The following POU2AF1 variants were observed in gnomAD, a reference collection of about 807,000 sequenced individuals.
POU2AF1 encodes POU domain class 2-associating factor 1.
POU2AF1 carries 12 observed loss-of-function variants against 26.3 expected under a neutral mutation model. The ratio of observed to expected loss-of-function variants is 0.46; its 90% CI spans 0.29 to 0.74. The LOEUF (loss-of-function observed/expected upper bound fraction) is 0.74, where lower values mean the gene tolerates loss of function less well. Ranked by LOEUF, POU2AF1 falls within the 30% of genes least tolerant of loss-of-function variation. POU2AF1 has a pLI of 0.09. For synonymous variants in POU2AF1, 175 were observed against 148.0 expected (o/e 1.18, Z -1.32); for missense variants, 297 against 334.5 (o/e 0.89, Z 0.87).
intron 1 of POU2AF1, among the ~76,000 whole-genome samples, chr11:111,373,143 C>T (rs1861244470): frequency 3.3e-5 from 5 of 152,242 alleles, no homozygotes; most frequent in Admixed American, 3.3e-4. Context: ...TTTCAGGTCT[C>T]TTCACCAGCA....
At chr11:111,359,956 G>C (rs904620680) in intron 1 of POU2AF1, 5 of 518,876 alleles carry the variant, frequency 9.6e-6, no homozygotes, top group African/African-American at 9.6e-5. Context: ...TCAGGGCATG[G>C]GACAATTACC....
chr11:111,358,993 T>G, intron 1 of POU2AF1, 75 bp from the exon 2 acceptor site: 2 of 1,534,124 alleles, frequency 1.3e-6, no homozygotes, highest in Non-Finnish European at 1.7e-6. Context: ...CATTTCCTCA[T>G]GGATCTGCCT....
At chr11:111,362,119 T>G (rs115261654) in intron 1 of POU2AF1, among the ~76,000 whole-genome samples, 1 of 152,130 alleles carries the variant, frequency 6.6e-6, no homozygotes, top group Non-Finnish European at 1.5e-5. Flanking sequence ...CCTGCCACAC[T>G]CAACTCACTC....
rs745714530 is a variant in POU2AF1 at position 111,352,597 on chromosome 11, C to T, written c.*1664G>A. ...GTTTGCGTGGAGGGGGCCTTGGTTC[C>T]ACAGAATGGTGGCTTATGGACGCTT... On this transcript the variant is annotated 3_prime_UTR_variant, in exon 5 of 5. Transcript: ENST00000393067. 1.7e-5 allele frequency: 3 copies of T among 179,694 alleles called. No individual in the cohort carries two copies. Among genetic ancestry groups the T allele is most frequent in the Non-Finnish European group, 3.6e-5 (3 of 83,942 alleles). 11.1% of individuals were successfully genotyped at this position (179,694 alleles called of 1,614,324 possible).
chr11:111,358,346 T>TCTCACA (rs1565360513), intron 2 of POU2AF1, among the ~76,000 whole-genome samples: 5 of 28,802 alleles, frequency 1.7e-4, no homozygotes, highest in African/African-American at 2.4e-4. Flanking sequence ...TCTCACACTC[T>TCTCACA]CACACTCACA....
At chr11:111,358,686 G>T in intron 2 of POU2AF1, 102 bp downstream of exon 2, 3 of 1,285,200 alleles carry the variant, frequency 2.3e-6, no homozygotes, top group Non-Finnish European at 3.2e-6. Flanking sequence ...ATACACACAC[G>T]CATACACATA....
chr11:111,354,605 T>C, intron 4 of POU2AF1, 30 bp from the exon 5 acceptor site: 1 of 1,485,314 alleles, frequency 6.7e-7, no homozygotes, highest in Non-Finnish European at 8.9e-7. Flanking sequence ...GACAGAGGGT[T>C]AGCAGCCCCA....
chr11:111,369,518 G>A (rs1861168289), intron 1 of POU2AF1, among the ~76,000 whole-genome samples: 1 of 152,180 alleles, frequency 6.6e-6, no homozygotes, highest in African/African-American at 2.4e-5. Flanking sequence ...AAACCTAGGA[G>A]CACATATCGC....
chr11:111,358,497 TTCTC>T (rs148606631), intron 2 of POU2AF1, among the ~76,000 whole-genome samples: 10,284 of 64,916 alleles, frequency 0.16, 399 homozygotes, highest in Non-Finnish European at 0.17. Flanking sequence ...CACATACACA[TTCTC>T]TCTCACACTA....
chr11:111,358,541 AAC>A (rs1377711152), intron 2 of POU2AF1, among the ~76,000 whole-genome samples: 3 of 79,322 alleles, frequency 3.8e-5, no homozygotes, highest in East Asian at 6.2e-4. Flanking sequence ...ATCACACACA[AAC>A]ACATACACAC....
intron 1 of POU2AF1, among the ~76,000 whole-genome samples, chr11:111,364,818 T>C (rs1303583889): frequency 6.6e-6 from 1 of 152,100 alleles, no homozygotes; most frequent in African/African-American, 2.4e-5. Context: ...AGCACCACAG[T>C]GAGGGATGGA....
At chr11:111,378,756 A>C (rs936407842) in intron 1 of POU2AF1, among the ~76,000 whole-genome samples, 2 of 152,204 alleles carry the variant, frequency 1.3e-5, no homozygotes, top group African/African-American at 4.8e-5. Flanking sequence ...CTGAAGAGCC[A>C]CTGCTTATGG....
At position 111,354,907 on chromosome 11, in the gene POU2AF1, C is replaced by T. The variant is rs150456428; in HGVS notation, c.457-332G>A. ...CAATTAGAGAGGATTTTCCAGGTTT[C>T]GTTGAATACAAAATTCATTTCTATT... On this transcript the variant is annotated intron_variant, in intron 4 of 4. Coordinates refer to ENST00000393067, the MANE Select transcript of POU2AF1 (RefSeq NM_006235.3). Among the ~76,000 whole-genome samples the T allele has an allele frequency of 3.4e-3, 524 of 152,274 alleles. 4 individuals are homozygous for T. Among genetic ancestry groups the T allele is most frequent in the African/African-American group, 0.012 (499 of 41,562 alleles).
intron 1 of POU2AF1, among the ~76,000 whole-genome samples, chr11:111,365,363 G>A (rs1035243021): frequency 5.9e-5 from 9 of 152,090 alleles, no homozygotes; most frequent in African/African-American, 2.2e-4. Context: ...AATTTTTTAG[G>A]AACTTACCTA....
chr11:111,356,193 C>T (rs1167406179), intron 4 of POU2AF1, among the ~76,000 whole-genome samples: 1 of 152,132 alleles, frequency 6.6e-6, no homozygotes, highest in African/African-American at 2.4e-5. Context: ...GAAAGGAATC[C>T]TTGGTAATGA....
At chr11:111,372,029 T>TACACACACAC (rs374971894) in intron 1 of POU2AF1, among the ~76,000 whole-genome samples, 5 of 121,150 alleles carry the variant, frequency 4.1e-5, no homozygotes, top group Non-Finnish European at 5.4e-5. Flanking sequence ...CACACACAAA[T>TACACACACAC]ACACACACAC....
At chr11:111,378,406 G>A (rs948848093) in intron 1 of POU2AF1, among the ~76,000 whole-genome samples, 3 of 152,178 alleles carry the variant, frequency 2.0e-5, no homozygotes, top group Non-Finnish European at 4.4e-5. Flanking sequence ...TTTACCTCGT[G>A]AAAAGAATGT....
chr11:111,379,059 C>T (rs1385215736), intron 1 of POU2AF1, 103 bp downstream of exon 1: 1 of 1,409,514 alleles, frequency 7.1e-7, no homozygotes. Context: ...CCCCCCGTGG[C>T]CCCATCACCT....
chr11:111,375,635 G>A (rs1237953483), intron 1 of POU2AF1, among the ~76,000 whole-genome samples: 4 of 151,960 alleles, frequency 2.6e-5, no homozygotes, highest in African/African-American at 7.3e-5. Flanking sequence ...TCCTGACCTC[G>A]TGATCTGCCC....
Sources: gnomAD v4.1 joint callset for allele counts (sites outside exome capture counted in the v4.1 genomes callset) on GRCh38, gnomAD v4.1.1 for gene constraint, MANE v1.5 for transcripts, NCBI Gene and HGNC (gene_info 2026-07-23, HGNC 2026-07-21) for gene names.